The following NRXN3 variants were observed in gnomAD, a reference collection of about 807,000 sequenced individuals.
NRXN3 encodes neurexin III.
A neutral mutation model predicts 137.6 loss-of-function variants in NRXN3; 32 were observed. That is an observed-to-expected ratio of 0.23 (90% CI 0.18 to 0.31). The LOEUF is 0.31. Ranked by LOEUF, NRXN3 falls within the 10% of genes least tolerant of loss-of-function variation. NRXN3 has a pLI of 1.00. For missense variants in NRXN3, 1,574 were observed against 2,062.5 expected, an observed-to-expected ratio of 0.76 and a Z score of 4.59; for synonymous variants, 798 against 784.5, an observed-to-expected ratio of 1.02 and a Z score of -0.29.
intron 4 of NRXN3, among the ~76,000 whole-genome samples, chr14:78,571,853 CACTT>C (rs903212611): frequency 2.0e-4 from 30 of 152,118 alleles, no homozygotes; most frequent in African/African-American, 7.2e-4. Context: ...TCTTTCCTCT[CACTT>C]ACAAGTAATC....
intron 15 of NRXN3, among the ~76,000 whole-genome samples, chr14:79,454,506 G>A (rs538217490): frequency 2.6e-5 from 4 of 152,118 alleles, no homozygotes; most frequent in Non-Finnish European, 4.4e-5. Flanking sequence ...ATGAGTCACC[G>A]TGCCCAGCCC....
In NRXN3 at chr14:79,742,314, G is replaced by T. The variant is rs536126029; in HGVS notation, c.4014+44377G>T. 2.0e-5 allele frequency among the ~76,000 whole-genome samples: 3 copies of T among 152,218 alleles called. No individual in the cohort carries two copies. The South Asian group carries it at 6.2e-4, about 32-fold the overall frequency. The stretch of plus-strand genomic sequence containing the variant: ...TAATGTACCTCTTGTTAATTGAATT[G>T]AGAGATGATTGCCCTATGATTACCT... On this transcript the variant is annotated intron_variant, in intron 19 of 20. Transcript: ENST00000335750.
chr14:78,522,554 T>C (rs1467217304), intron 4 of NRXN3, among the ~76,000 whole-genome samples: 1 of 152,180 alleles, frequency 6.6e-6, no homozygotes, highest in Admixed American at 6.5e-5. Flanking sequence ...GTAGCCAACA[T>C]CTTTTTTTCC....
intron 19 of NRXN3, among the ~76,000 whole-genome samples, chr14:79,768,652 AT>A (rs2099065244): frequency 1.3e-5 from 2 of 152,360 alleles, no homozygotes; most frequent in Admixed American, 1.3e-4. Context: ...CCAAAAGTAG[AT>A]AAAACCACAA....
intron 15 of NRXN3, among the ~76,000 whole-genome samples, chr14:79,120,727 T>G (rs911468150): frequency 2.6e-5 from 4 of 152,164 alleles, no homozygotes; most frequent in African/African-American, 9.7e-5. Context: ...GTAATGAGAA[T>G]GCAAAGATGT....
chr14:79,804,994 G>A (rs147854435), intron 19 of NRXN3, 118 bp from the exon 20 acceptor site: 21 of 684,662 alleles, frequency 3.1e-5, no homozygotes, highest in African/African-American at 1.6e-4. Context: ...AAAAATAATC[G>A]TAATGATGGG....
At chr14:79,035,694 A>C (rs2099614889) in intron 15 of NRXN3, among the ~76,000 whole-genome samples, 1 of 152,120 alleles carries the variant, frequency 6.6e-6, no homozygotes. Flanking sequence ...ACAGTGGAAC[A>C]AGTGTGTGTG....
intron 14 of NRXN3, among the ~76,000 whole-genome samples, chr14:78,969,574 C>A (rs149255297): frequency 0.014 from 2,206 of 152,236 alleles, 58 homozygotes; most frequent in Admixed American, 0.068. Context: ...TGTATCGCTT[C>A]TGTTCTTAAA....
chr14:78,432,341 A>G (rs1207637485), intron 4 of NRXN3, among the ~76,000 whole-genome samples: 2 of 146,924 alleles, frequency 1.4e-5, no homozygotes, highest in African/African-American at 2.6e-5. Flanking sequence ...TTTCTCCACC[A>G]TGTGTGCCTG....
At chr14:78,225,565 ATGG>A (rs1216273011) in intron 1 of NRXN3, among the ~76,000 whole-genome samples, 2 of 152,178 alleles carry the variant, frequency 1.3e-5, no homozygotes, top group Non-Finnish European at 2.9e-5. Context: ...GTTCACTCTG[ATGG>A]TAGTTTCTTT....
intron 10 of NRXN3, among the ~76,000 whole-genome samples, chr14:78,859,839 A>G (rs915210431): frequency 6.6e-6 from 1 of 152,164 alleles, no homozygotes; most frequent in African/African-American, 2.4e-5. Flanking sequence ...GTAGTGAAGA[A>G]GACACAAAGT....
intron 10 of NRXN3, among the ~76,000 whole-genome samples, chr14:78,873,514 G>T (rs2099106333): frequency 6.6e-6 from 1 of 152,104 alleles, no homozygotes; most frequent in Admixed American, 6.5e-5. Flanking sequence ...TTATTCATTT[G>T]TTCAACAGGC....
At chr14:79,755,550 TAGA>T (rs1162625901) in intron 19 of NRXN3, among the ~76,000 whole-genome samples, 40 of 151,364 alleles carry the variant, frequency 2.6e-4, no homozygotes, top group Admixed American at 1.4e-3. Flanking sequence ...TTTTTTTTGC[TAGA>T]AGTAGTTTAC....
In NRXN3 at chr14:79,473,727, G is replaced by A. The variant is rs946412515; in HGVS notation, c.3444+6325G>A. Among the ~76,000 whole-genome samples the A allele has an allele frequency of 4.8e-5, 7 of 147,310 alleles. No individual in the cohort carries two copies. In the East Asian group the frequency reaches 5.8e-4, roughly 12 times the overall value. ...GTGCTGTGCACTGCAGGTTGACTCC[G>A]TATTTCCTTCCATCGCTATTTGTTC... On this transcript the variant is annotated intron_variant, in intron 16 of 20. Coordinates refer to ENST00000335750, the MANE Select transcript of NRXN3 (RefSeq NM_001330195.2).
intron 4 of NRXN3, among the ~76,000 whole-genome samples, chr14:78,638,812 C>A (rs951366669): frequency 1.3e-5 from 2 of 152,210 alleles, no homozygotes; most frequent in African/African-American, 4.8e-5. Context: ...TGTTTTAGCT[C>A]AATATACCTT....
intron 15 of NRXN3, among the ~76,000 whole-genome samples, chr14:79,090,349 C>A (rs575254877): frequency 6.6e-6 from 1 of 152,224 alleles, no homozygotes; most frequent in Non-Finnish European, 1.5e-5. Flanking sequence ...TTCTTCCTTT[C>A]CCTTTTAGAG....
intron 4 of NRXN3, among the ~76,000 whole-genome samples, chr14:78,627,280 G>A (rs1016646562): frequency 3.3e-5 from 5 of 152,116 alleles, no homozygotes; most frequent in Admixed American, 3.3e-4. Flanking sequence ...TGTCAGAAGA[G>A]GGGCTGTACA....
intron 15 of NRXN3, among the ~76,000 whole-genome samples, chr14:79,070,996 G>C (rs1463128505): frequency 6.6e-6 from 1 of 152,152 alleles, no homozygotes; most frequent in Non-Finnish European, 1.5e-5. Context: ...CCCTGGAGTA[G>C]TTAGTGTCAA....
chr14:78,701,341 CTT>C, intron 6 of NRXN3, among the ~76,000 whole-genome samples: 1 of 152,330 alleles, frequency 6.6e-6, no homozygotes, highest in Non-Finnish European at 1.5e-5. Flanking sequence ...CTACGCTTAA[CTT>C]GAGCACCGGT....
Sources: allele counts gnomAD v4.1 joint callset (sites outside exome capture counted in the v4.1 genomes callset), GRCh38; gene constraint gnomAD v4.1.1; transcripts MANE v1.5; gene names NCBI Gene and HGNC (gene_info 2026-07-23, HGNC 2026-07-21).